ATP8A2: variants seen among roughly 807,000 people sequenced by gnomAD.
ATP8A2 encodes the protein ATPase phospholipid transporting 8A2, also known as phospholipid-transporting ATPase IB.
In ATP8A2, 100 loss-of-function variants were observed where a neutral mutation model predicts 165.6. The ratio of observed to expected loss-of-function variants is 0.60; its 90% CI spans 0.51 to 0.71. The LOEUF is 0.71. Ranked by LOEUF, ATP8A2 falls within the 30% of genes least tolerant of loss-of-function variation. The probability of loss-of-function intolerance (pLI) is 0.00; values close to 1 mark genes in which losing one functional copy is unlikely to be tolerated. For synonymous variants in ATP8A2, 543 were observed against 548.8 expected, an observed-to-expected ratio of 0.99 and a Z score of 0.15; for missense variants, 1,227 against 1,479.5, an observed-to-expected ratio of 0.83 and a Z score of 2.80.
At chr13:25,925,396 T>C (rs1158551490) in intron 33 of ATP8A2, among the ~76,000 whole-genome samples, 1 of 151,908 alleles carries the variant, frequency 6.6e-6, no homozygotes, top group Non-Finnish European at 1.5e-5. Flanking sequence ...TAGCCGGGTG[T>C]GGTGGCAGGC....
chr13:25,896,544 T>C (rs1953554530), intron 33 of ATP8A2, among the ~76,000 whole-genome samples: 2 of 152,234 alleles, frequency 1.3e-5, no homozygotes, highest in East Asian at 1.9e-4. Flanking sequence ...AGATGTCTAT[T>C]AGGTCTGCTT....
chr13:25,605,168 C>T (rs542273595), intron 24 of ATP8A2, among the ~76,000 whole-genome samples: 8 of 152,264 alleles, frequency 5.3e-5, no homozygotes, highest in Admixed American at 2.0e-4. Flanking sequence ...CAAGTTCCTT[C>T]GTCAGTGAAC....
intron 24 of ATP8A2, among the ~76,000 whole-genome samples, chr13:25,612,685 CT>C (rs933255865): frequency 9.9e-5 from 15 of 152,094 alleles, no homozygotes; most frequent in Admixed American, 9.2e-4. Flanking sequence ...TACATTGTTT[CT>C]TTGTTGAATT....
At chr13:25,862,451 C>A in intron 33 of ATP8A2, 43 bp downstream of exon 33, 1 of 1,475,786 alleles carries the variant, frequency 6.8e-7, no homozygotes, top group South Asian at 1.1e-5. Flanking sequence ...TGTCTTGTGA[C>A]AGCAATGTTT....
chr13:25,718,671 A>T (rs2043307040), intron 25 of ATP8A2, among the ~76,000 whole-genome samples: 1 of 152,216 alleles, frequency 6.6e-6, no homozygotes, highest in Non-Finnish European at 1.5e-5. Context: ...GCACCCCCTG[A>T]GACAGAGTGT....
chr13:25,814,804 C>A (rs1163847001), intron 27 of ATP8A2, among the ~76,000 whole-genome samples: 2 of 151,994 alleles, frequency 1.3e-5, no homozygotes, highest in Non-Finnish European at 2.9e-5. Flanking sequence ...TCACTTGAGC[C>A]AAGGAATTTG....
rs1372727978 is a variant in ATP8A2 at position 25,750,298 on chromosome 13, TA to T, written c.2385-18744del. On this transcript the variant is annotated intron_variant, in intron 25 of 36. Transcript: ENST00000381655. This position sits in a 1 kb window ranked among gnomAD's most constrained non-coding sequence, Gnocchi z 4.3. ...TCGCTAGAGTTTTCAGGAGACCAAATAAAATAGTACACATCTGTGTGTAGTT... is the reference window on the plus strand; with the variant it reads ...TCGCTAGAGTTTTCAGGAGACCAAATAAATAGTACACATCTGTGTGTAGTT... 6.6e-6 allele frequency among the ~76,000 whole-genome samples: 1 copy of T among 152,126 alleles called. No individual in the cohort carries two copies. Among genetic ancestry groups the T allele is most frequent in the African/African-American group, 2.4e-5 (1 of 41,422 alleles).
intron 33 of ATP8A2, among the ~76,000 whole-genome samples, chr13:25,955,876 G>A (rs1283809843): frequency 2.0e-5 from 3 of 152,104 alleles, no homozygotes; most frequent in African/African-American, 7.2e-5. Context: ...AAAATCCTCA[G>A]TAAAATACTG....
At chr13:25,465,793 C>T (rs1426132860) in intron 1 of ATP8A2, among the ~76,000 whole-genome samples, 3 of 103,892 alleles carry the variant, frequency 2.9e-5, no homozygotes, top group Middle Eastern at 4.5e-3. Flanking sequence ...CTCTTTCTTT[C>T]TTTCTTTTTT....
intron 35 of ATP8A2, among the ~76,000 whole-genome samples, chr13:25,997,549 C>T (rs1266259504): frequency 6.6e-6 from 1 of 152,192 alleles, no homozygotes; most frequent in Non-Finnish European, 1.5e-5. Flanking sequence ...TTTTCTGAGA[C>T]TCTGAAGACG....
intron 24 of ATP8A2, among the ~76,000 whole-genome samples, chr13:25,646,520 G>T (rs2041675187): frequency 6.6e-6 from 1 of 151,862 alleles, no homozygotes; most frequent in African/African-American, 2.4e-5. Context: ...GCCAGGTGTG[G>T]TGGTGGGCGC....
intron 35 of ATP8A2, among the ~76,000 whole-genome samples, chr13:26,004,676 T>G (rs986438600): frequency 6.6e-6 from 1 of 152,082 alleles, no homozygotes; most frequent in Admixed American, 6.6e-5. Flanking sequence ...TTGAGATATA[T>G]TCCCTCTATA....
chr13:25,846,492 T>G (rs1395003526), intron 30 of ATP8A2, among the ~76,000 whole-genome samples: 1 of 151,992 alleles, frequency 6.6e-6, no homozygotes, highest in Non-Finnish European at 1.5e-5. Context: ...AGGAATAGAA[T>G]AGTTCCAAGA....
chr13:25,380,148 G>T (rs998593977), intron 1 of ATP8A2, among the ~76,000 whole-genome samples: 1 of 152,254 alleles, frequency 6.6e-6, no homozygotes, highest in Middle Eastern at 3.4e-3. Context: ...TCAGAGAGAC[G>T]TGCAAGTCAT....
chr13:25,870,522 C>T lies in ATP8A2; in HGVS notation c.3183+8114C>T, dbSNP rs900651505. On this transcript the variant is annotated intron_variant, in intron 33 of 36. Coordinates refer to ENST00000381655, the MANE Select transcript of ATP8A2 (RefSeq NM_016529.6). ...TACTACATATCAGACAAAACATATT[C>T]ATGAAAATATGTTTAATATATGCAG... Among the ~76,000 whole-genome samples, 6 of 152,148 alleles carry T rather than the reference C, an allele frequency of 3.9e-5. No homozygotes were observed. In the East Asian group the frequency reaches 1.2e-3, roughly 29 times the overall value.
chr13:25,807,016 G>A (rs1213144002), intron 27 of ATP8A2, among the ~76,000 whole-genome samples: 1 of 152,046 alleles, frequency 6.6e-6, no homozygotes, highest in Admixed American at 6.6e-5. Context: ...CCCATTTTTG[G>A]ATTGGGTTGT....
chr13:25,870,498 A>T lies in ATP8A2; in HGVS notation c.3183+8090A>T, dbSNP rs537102665. Among the ~76,000 whole-genome samples the T allele has an allele frequency of 9.2e-5, 14 of 152,250 alleles. No homozygotes were observed. In the South Asian group the frequency reaches 2.9e-3, roughly 32 times the overall value. On this transcript the variant is annotated intron_variant, in intron 33 of 36. Transcript: ENST00000381655. ...AGCACTTCCCTTCCATATCACAATT[A>T]CTACATATCAGACAAAACATATTCA...
At chr13:25,733,625 G>C (rs1203540027) in intron 25 of ATP8A2, among the ~76,000 whole-genome samples, 3 of 151,966 alleles carry the variant, frequency 2.0e-5, no homozygotes, top group African/African-American at 7.3e-5. Context: ...ATGCTTTGTC[G>C]GCCCTCTCAC....
At chr13:25,536,118 T>C (rs1020326594) in intron 6 of ATP8A2, among the ~76,000 whole-genome samples, 2 of 152,158 alleles carry the variant, frequency 1.3e-5, no homozygotes, top group African/African-American at 4.8e-5. Flanking sequence ...TTTAATTTTA[T>C]TTTATTCTTT....
Sources: allele counts gnomAD v4.1 joint callset (sites outside exome capture counted in the v4.1 genomes callset), GRCh38; gene constraint gnomAD v4.1.1; non-coding constraint Gnocchi (gnomAD v3.1); transcripts MANE v1.5; gene names NCBI Gene and HGNC (gene_info 2026-07-23, HGNC 2026-07-21).